The following ZNF722 variants were observed in gnomAD, a reference collection of about 807,000 sequenced individuals.
The protein encoded by ZNF722 is zinc finger protein 722, also known as zinc finger protein 479 pseudogene.
chr7:64,005,124 C>T, the ZNF722 span, among the ~76,000 whole-genome samples: 2 of 152,072 alleles, frequency 1.3e-5, no homozygotes, highest in South Asian at 2.1e-4. Flanking sequence ...CATGGAGAAA[C>T]CCCATCTCTA....
the ZNF722 span, among the ~76,000 whole-genome samples, chr7:63,999,494 G>A: frequency 3.3e-5 from 5 of 152,150 alleles, no homozygotes; most frequent in African/African-American, 1.2e-4. Context: ...TGTGATCCAT[G>A]GGAGAGACTT....
the ZNF722 span, among the ~76,000 whole-genome samples, chr7:64,005,954 T>C: frequency 6.6e-6 from 1 of 152,194 alleles, no homozygotes; most frequent in Non-Finnish European, 1.5e-5. Context: ...TCTAGGTTAG[T>C]TGCAATTCCA....
the ZNF722 span, among the ~76,000 whole-genome samples, chr7:64,008,803 G>A: frequency 6.6e-6 from 1 of 152,108 alleles, no homozygotes. Flanking sequence ...AGCTTGATGG[G>A]GATGGCATTG....
chr7:64,001,336 C>T, the ZNF722 span, among the ~76,000 whole-genome samples: 2 of 152,164 alleles, frequency 1.3e-5, no homozygotes, highest in African/African-American at 4.8e-5. Flanking sequence ...TAAGTGACAA[C>T]ATATAGTATT....
At chr7:64,012,514 C>T in the ZNF722 span, among the ~76,000 whole-genome samples, 1 of 152,084 alleles carries the variant, frequency 6.6e-6, no homozygotes, top group Non-Finnish European at 1.5e-5. Flanking sequence ...TGTTAGTTTT[C>T]CTTCCAACAG....
the ZNF722 span, among the ~76,000 whole-genome samples, chr7:64,007,163 T>A: frequency 6.6e-6 from 1 of 150,778 alleles, no homozygotes; most frequent in Non-Finnish European, 1.5e-5. Flanking sequence ...TTGTTTCGCA[T>A]TTTTCTATAA....
chr7:64,000,813 C>T, the ZNF722 span, among the ~76,000 whole-genome samples: 1 of 149,746 alleles, frequency 6.7e-6, no homozygotes, highest in Non-Finnish European at 1.5e-5. Flanking sequence ...GAGTCTCACT[C>T]TCCGCCCAGG....
At chr7:64,011,145 C>T in the ZNF722 span, among the ~76,000 whole-genome samples, 2 of 151,988 alleles carry the variant, frequency 1.3e-5, no homozygotes, top group Admixed American at 6.6e-5. Context: ...ATGGATGTCT[C>T]TGCATGTGAG....
chr7:64,013,540 G>A, the ZNF722 span, among the ~76,000 whole-genome samples: 1 of 151,600 alleles, frequency 6.6e-6, no homozygotes, highest in Non-Finnish European at 1.5e-5. Context: ...GACTTCAGTT[G>A]CATAGAAAAA....
chr7:64,007,230 G>GTATATATATA, the ZNF722 span, among the ~76,000 whole-genome samples: 213 of 138,480 alleles, frequency 1.5e-3, 4 homozygotes, highest in African/African-American at 5.6e-3. Flanking sequence ...GTTTGTGTGT[G>GTATATATATA]TATATATATA....
chr7:64,012,191 T>C, the ZNF722 span, among the ~76,000 whole-genome samples: 2 of 152,190 alleles, frequency 1.3e-5, no homozygotes, highest in East Asian at 1.9e-4. Flanking sequence ...TTTCAAGGTT[T>C]TTAGCTTCCT....
chr7:64,004,127 G>A, the ZNF722 span, among the ~76,000 whole-genome samples: 4 of 151,888 alleles, frequency 2.6e-5, no homozygotes, highest in Non-Finnish European at 5.9e-5. Flanking sequence ...TAGGCCGGGC[G>A]CAGTGTCTCA....
the ZNF722 span, among the ~76,000 whole-genome samples, chr7:63,999,840 G>A: frequency 2.0e-5 from 3 of 151,700 alleles, no homozygotes; most frequent in Non-Finnish European, 2.9e-5. Context: ...TGGGATTACA[G>A]GAGCCCGCCA....
the ZNF722 span, among the ~76,000 whole-genome samples, chr7:64,004,907 C>CA: frequency 6.6e-6 from 1 of 152,134 alleles, no homozygotes; most frequent in African/African-American, 2.4e-5. Flanking sequence ...TCTCCTGAAA[C>CA]AAAATCTGCA....
At chr7:64,007,358 A>C in the ZNF722 span, among the ~76,000 whole-genome samples, 1 of 152,044 alleles carries the variant, frequency 6.6e-6, no homozygotes, top group Non-Finnish European at 1.5e-5. Context: ...TGTCATGTAC[A>C]TTAGGTATTT....
At chr7:64,009,447 C>T in the ZNF722 span, among the ~76,000 whole-genome samples, 2 of 152,140 alleles carry the variant, frequency 1.3e-5, no homozygotes, top group East Asian at 1.9e-4. Flanking sequence ...GAGTTTTTAG[C>T]ATGAATGGCT....
At chr7:64,012,503 T>G in the ZNF722 span, among the ~76,000 whole-genome samples, 1 of 152,146 alleles carries the variant, frequency 6.6e-6, no homozygotes, top group Non-Finnish European at 1.5e-5. Context: ...TCCTTTCTGT[T>G]TGTTAGTTTT....
the ZNF722 span, among the ~76,000 whole-genome samples, chr7:63,999,738 C>A: frequency 1.3e-5 from 2 of 152,204 alleles, no homozygotes; most frequent in South Asian, 4.2e-4. Context: ...CGCTCTGTCA[C>A]CCAGGCTGGA....
chr7:64,013,559 C>T, the ZNF722 span, among the ~76,000 whole-genome samples: 117 of 151,910 alleles, frequency 7.7e-4, no homozygotes, highest in Non-Finnish European at 1.4e-3. Flanking sequence ...AATTTGTCCG[C>T]ATTATATCTA....
Sources: gnomAD v4.1 joint callset for allele counts (sites outside exome capture counted in the v4.1 genomes callset) on GRCh38, gnomAD v4.1.1 for gene constraint, MANE v1.5 for transcripts, NCBI Gene and HGNC (gene_info 2026-07-23, HGNC 2026-07-21) for gene names.